The following SYT8 variants were observed in gnomAD, a reference collection of about 807,000 sequenced individuals.
SYT8 encodes synaptotagmin 8, also known as synaptotagmin-8.
In SYT8, 50 loss-of-function variants were observed where a neutral mutation model predicts 34.9. The ratio of observed to expected loss-of-function variants is 1.43; its 90% CI spans 1.14 to 1.81. The LOEUF is 1.81. Ranked by LOEUF, SYT8 falls within the 40% of genes most tolerant of loss-of-function variation. The pLI is 0.00. For synonymous variants in SYT8, 255 were observed against 234.2 expected, an observed-to-expected ratio of 1.09 and a Z score of -0.81; for missense variants, 595 against 529.0, an observed-to-expected ratio of 1.12 and a Z score of -1.22.
upstream of SYT8, chr11:1,834,770 G>A (rs747059667): frequency 1.3e-6 from 1 of 773,374 alleles, no homozygotes; most frequent in Non-Finnish European, 2.2e-6. The surrounding 1 kb of genome is among the most constrained non-coding windows in gnomAD (Gnocchi z 4.5). Flanking sequence ...GCATCCTACA[G>A]TGGGGGCAAG....
chr11:1,836,671 C>G, intron 5 of SYT8, 79 bp downstream of exon 5: 1 of 1,592,168 alleles, frequency 6.3e-7, no homozygotes, highest in East Asian at 2.2e-5. Context: ...GAAAGACAGG[C>G]CTGATGGGCA....
chr11:1,834,538 C>T, upstream of SYT8: 1 of 1,557,906 alleles, frequency 6.4e-7, no homozygotes, highest in Non-Finnish European at 8.7e-7. The surrounding 1 kb of genome is among the most constrained non-coding windows in gnomAD (Gnocchi z 4.5). Flanking sequence ...GCAGACCCCT[C>T]TGGGCTTCCA....
At chr11:1,834,337 C>T (rs1054342441), upstream of SYT8, 2 of 553,278 alleles carry the variant, frequency 3.6e-6, no homozygotes, top group East Asian at 3.4e-5. This position sits in a 1 kb window ranked among gnomAD's most constrained non-coding sequence, Gnocchi z 4.5. Context: ...TGGACGAGTC[C>T]AGGCAGCGGC....
chr11:1,834,197 G>A (rs1457316768), upstream of SYT8: 1 of 358,878 alleles, frequency 2.8e-6, no homozygotes, highest in African/African-American at 2.2e-5. The surrounding 1 kb of genome is among the most constrained non-coding windows in gnomAD (Gnocchi z 4.5). Flanking sequence ...CCTGCCTGTA[G>A]GTGACAGGAG....
Position 1,835,941 on chromosome 11 carries a change from G to A in SYT8, c.314G>A (p.Gly105Glu), listed in dbSNP as rs914811794. 6.2e-7 allele frequency: 1 copy of A among 1,609,624 alleles called. No individual in the cohort carries two copies. The highest frequency in any genetic ancestry group is 8.5e-7 in the Non-Finnish European group (1 of 1,178,880). The change falls in exon 3 of 8, where the codon GGG becomes GAG. Residue 105 changes from glycine (G) to glutamate (E), a missense_variant. Coordinates refer to ENST00000341958, the MANE Select transcript of SYT8 (RefSeq NM_001394072.1). ...AGCCCGGGGGATGCTCAGCAATGGGGGTGCCTGCAGCTCTCCCTGGAGTTC... is the reference window on the plus strand; with the variant it reads ...AGCCCGGGGGATGCTCAGCAATGGGAGTGCCTGCAGCTCTCCCTGGAGTTC... Reference protein sequence around the residue: ...ESSPGDAQQWGCLQLSLEFDF... With the variant: ...ESSPGDAQQWECLQLSLEFDF...
rs370047832 is a variant in SYT8, at chr11:1,835,921, G to C, written c.294G>C (p.Pro98=). 2.5e-6 allele frequency: 4 copies of C among 1,608,194 alleles called. No individual in the cohort carries two copies. In the African/African-American group the frequency reaches 4.0e-5, roughly 16 times the overall value. ...QPDVDGLESS[P]GDAQQWGCLQ... ...ATGTGGATGGCCTGGAGTCCAGCCC[G>C]GGGGATGCTCAGCAATGGGGGTGCC... Residue 98 remains proline, a synonymous_variant, in exon 3 of 8, where the codon CCG becomes CCC. Coordinates refer to ENST00000341958, the MANE Select transcript of SYT8 (RefSeq NM_001394072.1).
chr11:1,837,048 C>A lies in SYT8; in HGVS notation c.882C>A (p.Phe294Leu). ...AAAAGGGCACGGCGGCCCCCTACTT[C>A]AATGAGGCCTTCACCTTCCTGGTGC... ...ATKKGTAAPY[F>L]NEAFTFLVPF... is the part of the protein sequence containing the mutation. Residue 294 changes from phenylalanine to leucine, a missense_variant, in exon 7 of 8, where the codon TTC becomes TTA. Physicochemically the swap from Phe to Leu is conservative, Grantham distance 22. Coordinates refer to ENST00000341958, the MANE Select transcript of SYT8 (RefSeq NM_001394072.1). 4.3e-6 allele frequency: 7 copies of A among 1,613,812 alleles called. No individual in the cohort carries two copies. The highest frequency in any genetic ancestry group is 5.9e-6 in the Non-Finnish European group (7 of 1,180,008).
Position 1,836,535 on chromosome 11 carries a change from G to A in SYT8, c.627G>A (p.Val209=), listed in dbSNP as rs915869330. ...LGELRLPLGT[V]DLQHVLEHWY... Reference sequence around the variant, plus strand: ...AGCTCCGTCTGCCACTGGGCACCGTGGATCTGCAGCATGTTCTGGAGCACT... The same window carrying A: ...AGCTCCGTCTGCCACTGGGCACCGTAGATCTGCAGCATGTTCTGGAGCACT... Residue 209 remains valine, a synonymous_variant, in exon 5 of 8, where the codon GTG becomes GTA. Transcript: ENST00000341958. 13 of 1,612,602 alleles carry A rather than the reference G, an allele frequency of 8.1e-6. No individual in the cohort carries two copies.
chr11:1,834,430 C>CG (rs1466619898), upstream of SYT8: 2 of 755,240 alleles, frequency 2.6e-6, no homozygotes, highest in African/African-American at 3.5e-5. This position sits in a 1 kb window ranked among gnomAD's most constrained non-coding sequence, Gnocchi z 4.5. Context: ...CATCCTCAGG[C>CG]GCTGCGGCCC....
At chr11:1,834,528 G>A, upstream of SYT8, 3 of 1,545,544 alleles carry the variant, frequency 1.9e-6, no homozygotes, top group East Asian at 4.9e-5. The surrounding 1 kb of genome is among the most constrained non-coding windows in gnomAD (Gnocchi z 4.5). Flanking sequence ...CCATGACCCT[G>A]CAGACCCCTC....
In SYT8 at chr11:1,837,376, G is replaced by T. The variant is rs1381091834; in HGVS notation, c.1109G>T (p.Arg370Leu). Residue 370 changes from arginine (R) to leucine (L), a missense_variant, in exon 8 of 8, where the codon CGC (arginine) becomes CTC (leucine). Transcript: ENST00000341958. ...CTGCGGCCAGCCAGGGAGGTGGACCGCATGCTGGCCCTGCAGCCCCGCCTT... is the reference window on the plus strand; with the variant it reads ...CTGCGGCCAGCCAGGGAGGTGGACCTCATGCTGGCCCTGCAGCCCCGCCTT... Reference protein sequence around the residue: ...HPLRPAREVDRMLALQPRLRL... With the variant: ...HPLRPAREVDLMLALQPRLRL... 1.9e-6 allele frequency: 3 copies of T among 1,599,236 alleles called. No homozygotes were observed. The highest frequency in any genetic ancestry group is 1.7e-6 in the Non-Finnish European group (2 of 1,176,842).
At chr11:1,834,491 C>T (rs529651020), upstream of SYT8, 52 of 1,367,108 alleles carry the variant, frequency 3.8e-5, no homozygotes, top group Middle Eastern at 2.4e-4. The surrounding 1 kb of genome is among the most constrained non-coding windows in gnomAD (Gnocchi z 4.5). Flanking sequence ...CAGTGAGCTC[C>T]GCCGACAGCC....
In SYT8 at chr11:1,835,101, G is replaced by A; in HGVS notation, c.-5G>A. 6.2e-7 allele frequency: 1 copy of A among 1,613,080 alleles called. No homozygotes were observed. The highest frequency in any genetic ancestry group is 8.5e-7 in the Non-Finnish European group (1 of 1,179,860). On this transcript the variant is annotated 5_prime_UTR_variant, in exon 1 of 8. Coordinates refer to ENST00000341958, the MANE Select transcript of SYT8 (RefSeq NM_001394072.1). Reference sequence around the variant, plus strand: ...CCGCTTCTTCCAAACCAGCAGGGTAGAAAGATGGGGCACCCACCAGTCTCT... The same window carrying A: ...CCGCTTCTTCCAAACCAGCAGGGTAAAAAGATGGGGCACCCACCAGTCTCT...
upstream of SYT8, chr11:1,833,815 C>T (rs959895520): frequency 8.5e-5 from 12 of 141,690 alleles, no homozygotes; most frequent in Admixed American, 1.4e-4. Flanking sequence ...TGTGCGCGTG[C>T]GTGTGTGTGT....
Position 1,836,235 on chromosome 11 carries a change from T to A in SYT8, c.467T>A (p.Val156Glu). ...TQAGHRHETK[V>E]HRGTLCPVFD... ...GCCGGACACAGACATGAGACAAAAG[T>A]GCACCGAGGCACGCTCTGCCCCGTG... Residue 156 changes from valine to glutamate, a missense_variant, in exon 4 of 8, where the codon GTG becomes GAG. Transcript: ENST00000341958. 1 of 1,593,198 alleles carries A rather than the reference T, an allele frequency of 6.3e-7. No homozygotes were observed. Among genetic ancestry groups the A allele is most frequent in the East Asian group, 2.3e-5 (1 of 44,322 alleles).
At position 1,835,921 on chromosome 11, in the gene SYT8, G is replaced by A. The variant is rs370047832; in HGVS notation, c.294G>A (p.Pro98=). Reference sequence around the variant, plus strand: ...ATGTGGATGGCCTGGAGTCCAGCCCGGGGGATGCTCAGCAATGGGGGTGCC... The same window carrying A: ...ATGTGGATGGCCTGGAGTCCAGCCCAGGGGATGCTCAGCAATGGGGGTGCC... ...QPDVDGLESS[P]GDAQQWGCLQ... Residue 98 remains proline, a synonymous_variant, in exon 3 of 8, where the codon CCG becomes CCA. Coordinates refer to ENST00000341958, the MANE Select transcript of SYT8 (RefSeq NM_001394072.1). 61 of 1,608,194 alleles carry A rather than the reference G, an allele frequency of 3.8e-5. No homozygotes were observed. Among genetic ancestry groups the A allele is most frequent in the African/African-American group, 1.9e-4 (14 of 74,744 alleles).
Position 1,837,052 on chromosome 11 carries a change from G to A in SYT8, c.886G>A (p.Glu296Lys), listed in dbSNP as rs1846984037. The change falls in exon 7 of 8, where the codon GAG becomes AAG. Residue 296 changes from glutamate to lysine, a missense_variant. Physicochemically the swap from Glu to Lys is moderately conservative, Grantham distance 56. Transcript: ENST00000341958. ...KKGTAAPYFN[E>K]AFTFLVPFSQ... ...GGGCACGGCGGCCCCCTACTTCAAT[G>A]AGGCCTTCACCTTCCTGGTGCCCTT... 6.8e-6 allele frequency: 11 copies of A among 1,613,808 alleles called. No individual in the cohort carries two copies. The highest frequency in any genetic ancestry group is 8.5e-6 in the Non-Finnish European group (10 of 1,180,014).
chr11:1,835,133 GC>G lies in SYT8; in HGVS notation c.32del (p.Pro11ArgfsTer114). The G allele has an allele frequency of 1.2e-6, 2 of 1,613,342 alleles. No homozygotes were observed. Among genetic ancestry groups the G allele is most frequent in the Non-Finnish European group, 1.7e-6 (2 of 1,179,914 alleles). MGHPPVSPS[A>X]PAPAGTTAIP... ...GGGGCACCCACCAGTCTCTCCCAGTGCCCCGGCCCCAGCTGGCACCACAGCT... is the reference window on the plus strand; with the variant it reads ...GGGGCACCCACCAGTCTCTCCCAGTGCCCGGCCCCAGCTGGCACCACAGCT... On this transcript the variant is annotated frameshift_variant, in exon 1 of 8. Transcript: ENST00000341958. LOFTEE classifies it high-confidence loss of function.
chr11:1,835,689 A>G, intron 2 of SYT8, 197 bp from the exon 3 acceptor site: 1 of 736,368 alleles, frequency 1.4e-6, no homozygotes, highest in Non-Finnish European at 2.3e-6. Context: ...TGAGGAAGGC[A>G]GGGGGTACCC....
Sources: allele counts gnomAD v4.1 joint callset, GRCh38; gene constraint gnomAD v4.1.1; non-coding constraint Gnocchi (gnomAD v3.1); transcripts MANE v1.5; gene names NCBI Gene and HGNC (gene_info 2026-07-23, HGNC 2026-07-21).